DLC1: variants seen among roughly 807,000 people sequenced by gnomAD.
DLC1 encodes DLC1 Rho GTPase activating protein.
Under a neutral mutation model 140.3 loss-of-function variants are expected in DLC1, and 54 were observed. The ratio of observed to expected loss-of-function variants is 0.38; its 90% CI spans 0.31 to 0.48. The LOEUF (loss-of-function observed/expected upper bound fraction) is 0.48. DLC1 is among the 20% of genes least tolerant of loss of function. The pLI is 0.96. For synonymous variants in DLC1, 986 were observed against 728.1 expected (o/e 1.35, Z -5.70); for missense variants, 2,536 against 1,907.0 (o/e 1.33, Z -6.14).
At position 13,401,759 on chromosome 8, in the gene DLC1, C is replaced by G. The variant is rs1837311401; in HGVS notation, c.1024-140G>C. ...TTAGAAGAGAAGTTCCATTCTGTAT[C>G]ATCAATGGGCTCTTCATTGGGAAGA... On this transcript the variant is annotated intron_variant, in intron 2 of 17. Transcript: ENST00000276297. 11 of 1,044,928 alleles carry G rather than the reference C, an allele frequency of 1.1e-5. No individual in the cohort carries two copies. In the South Asian group the frequency reaches 2.0e-4, roughly 19 times the overall value. 64.7% of individuals were successfully genotyped at this position (1,044,928 alleles called of 1,614,324 possible).
At chr8:13,179,548 C>G (rs1444849178) in intron 5 of DLC1, among the ~76,000 whole-genome samples, 3 of 151,876 alleles carry the variant, frequency 2.0e-5, no homozygotes, top group African/African-American at 7.3e-5. Flanking sequence ...TGGAGAAACC[C>G]TGCCTCAACA....
chr8:13,437,000 A>T (rs1278605725), intron 2 of DLC1, among the ~76,000 whole-genome samples: 1 of 152,186 alleles, frequency 6.6e-6, no homozygotes, highest in Non-Finnish European at 1.5e-5. Flanking sequence ...TTTGGTTTTG[A>T]TATTGTCATG....
chr8:13,329,359 GGTC>G (rs1833496134), intron 4 of DLC1, among the ~76,000 whole-genome samples: 1 of 152,096 alleles, frequency 6.6e-6, no homozygotes, highest in Admixed American at 6.5e-5. Context: ...ATAGAAGGGG[GGTC>G]AAGGTTGGAG....
At chr8:13,494,597 A>G (rs1466800209) in intron 2 of DLC1, among the ~76,000 whole-genome samples, 1 of 152,186 alleles carries the variant, frequency 6.6e-6, no homozygotes, top group African/African-American at 2.4e-5. Context: ...TGAGAGAAAT[A>G]TGTCATTTGA....
intron 1 of DLC1, among the ~76,000 whole-genome samples, chr8:13,576,442 A>G (rs1804839672): frequency 1.3e-5 from 2 of 152,206 alleles, no homozygotes; most frequent in African/African-American, 4.8e-5. Flanking sequence ...GCATCAGTAA[A>G]ATTTATAATG....
At chr8:13,335,997 C>T (rs760985805) in intron 4 of DLC1, among the ~76,000 whole-genome samples, 66 of 151,848 alleles carry the variant, frequency 4.3e-4, no homozygotes, top group Non-Finnish European at 7.6e-4. Context: ...TATGAAGGTA[C>T]TATTTATTAT....
At chr8:13,287,528 T>A (rs528008946) in intron 5 of DLC1, among the ~76,000 whole-genome samples, 1 of 152,290 alleles carries the variant, frequency 6.6e-6, no homozygotes, top group African/African-American at 2.4e-5. Context: ...AAGGCTACTG[T>A]TTTGTGAAGT....
intron 5 of DLC1, among the ~76,000 whole-genome samples, chr8:13,118,709 T>A (rs1403502782): frequency 6.6e-6 from 1 of 152,224 alleles, no homozygotes; most frequent in East Asian, 1.9e-4. Flanking sequence ...ATTATTTTTA[T>A]TTTTTTAATG....
chr8:13,586,672 A>C (rs1165794291), intron 1 of DLC1, among the ~76,000 whole-genome samples: 1 of 150,564 alleles, frequency 6.6e-6, no homozygotes, highest in East Asian at 2.0e-4. Context: ...GAGAGACCCA[A>C]CGGTACCCTT....
intron 2 of DLC1, among the ~76,000 whole-genome samples, chr8:13,489,412 T>TACAC (rs10558551): frequency 0.16 from 21,549 of 132,178 alleles, 2,076 homozygotes; most frequent in Non-Finnish European, 0.21. Flanking sequence ...ACACACACCA[T>TACAC]ACACACACAC....
intron 5 of DLC1, among the ~76,000 whole-genome samples, chr8:13,144,855 A>G (rs1281595234): frequency 1.3e-5 from 2 of 152,186 alleles, no homozygotes; most frequent in Non-Finnish European, 2.9e-5. Context: ...ACCTTGACTA[A>G]TACAGACCCC....
intron 5 of DLC1, among the ~76,000 whole-genome samples, chr8:13,136,028 C>A (rs1413257473): frequency 6.6e-6 from 1 of 152,190 alleles, no homozygotes; most frequent in Non-Finnish European, 1.5e-5. Context: ...CAGCCTGTGA[C>A]AAGGGCCAAG....
intron 4 of DLC1, among the ~76,000 whole-genome samples, chr8:13,352,652 C>G (rs1834730981): frequency 6.6e-6 from 1 of 152,100 alleles, no homozygotes; most frequent in African/African-American, 2.4e-5. Flanking sequence ...GTAACTGGGA[C>G]TACAGAGGGG....
chr8:13,526,828 G>T (rs1353572755), intron 1 of DLC1, among the ~76,000 whole-genome samples: 2 of 152,072 alleles, frequency 1.3e-5, no homozygotes, highest in Non-Finnish European at 2.9e-5. Context: ...TGTAAATGAC[G>T]AGTTAACGGG....
intron 15 of DLC1, 46 bp downstream of exon 15, chr8:13,090,206 C>A: frequency 6.4e-7 from 1 of 1,572,268 alleles, no homozygotes; most frequent in Non-Finnish European, 8.7e-7. Context: ...TGGACCCAAG[C>A]TTCGACTCCT....
rs975719774 is a variant in DLC1, at chr8:13,393,823, A to G, written c.1174-130T>C. 3.7e-5 allele frequency: 39 copies of G among 1,051,254 alleles called. No homozygotes were observed. In the African/African-American group the frequency reaches 5.1e-4, roughly 14 times the overall value. 65.1% of individuals were successfully genotyped at this position (1,051,254 alleles called of 1,614,324 possible). A position where few individuals can be genotyped will look rare whatever the true frequency, so the allele number is the denominator to read the frequency against. On this transcript the variant is annotated intron_variant, in intron 3 of 17. Transcript: ENST00000276297. ...CTGATACACTAAAGAGTTGCTGACAACTGACAGTGACGTGTCACACATAAT... is the reference window on the plus strand; with the variant it reads ...CTGATACACTAAAGAGTTGCTGACAGCTGACAGTGACGTGTCACACATAAT...
intron 4 of DLC1, among the ~76,000 whole-genome samples, chr8:13,312,055 A>T (rs1832684807): frequency 6.6e-6 from 1 of 152,184 alleles, no homozygotes; most frequent in Non-Finnish European, 1.5e-5. Flanking sequence ...CATTATTCTA[A>T]GTTTTTTTAA....
intron 2 of DLC1, among the ~76,000 whole-genome samples, chr8:13,448,262 C>G (rs1417371387): frequency 1.3e-5 from 2 of 152,134 alleles, no homozygotes; most frequent in South Asian, 2.1e-4. Context: ...TCATGAAACC[C>G]TGGAATAGAA....
chr8:13,568,030 T>C, intron 1 of DLC1: 2 of 1,386,160 alleles, frequency 1.4e-6, no homozygotes, highest in Non-Finnish European at 1.9e-6. Context: ...CTTAAGACTT[T>C]ACTATGCTTC....
Sources: allele counts gnomAD v4.1 joint callset (sites outside exome capture counted in the v4.1 genomes callset), GRCh38; gene constraint gnomAD v4.1.1; transcripts MANE v1.5; gene names NCBI Gene and HGNC (gene_info 2026-07-23, HGNC 2026-07-21).